Variants in EML1 observed in about 807,000 individuals in gnomAD.
EML1 encodes EMAP like 1.
Under a neutral mutation model 110.4 loss-of-function variants are expected in EML1, and 27 were observed. The observed-to-expected ratio is 0.24, with a 90% confidence interval of 0.18 to 0.34. EML1 has a LOEUF of 0.34. EML1 is among the 10% of genes least tolerant of loss of function. EML1 has a pLI of 1.00. For missense variants in EML1, 741 were observed against 1,030.9 expected, an observed-to-expected ratio of 0.72 and a Z score of 3.85; for synonymous variants, 344 against 385.8, an observed-to-expected ratio of 0.89 and a Z score of 1.27.
At chr14:99,839,977 C>T (rs1389101108) in intron 1 of EML1, among the ~76,000 whole-genome samples, 2 of 152,188 alleles carry the variant, frequency 1.3e-5, no homozygotes, top group East Asian at 3.9e-4. Flanking sequence ...AGGCCGAAAT[C>T]CAGGCCCGCA....
At position 99,939,284 on chromosome 14, in the gene EML1, T is replaced by G. The variant is rs1320061161; in HGVS notation, c.2279T>G (p.Phe760Cys). ...EKKLLSTGDDFGKVHLFSYPC... is the reference protein window; with the variant it reads ...EKKLLSTGDDCGKVHLFSYPC... ...AAACTCCTGTCAACAGGCGACGACT[T>G]TGGCAAAGTGCACCTCTTCTCATAC... is the stretch of plus-strand genomic sequence containing the variant. Residue 760 changes from phenylalanine to cysteine, a missense_variant, in exon 21 of 22, where the codon TTT (phenylalanine) becomes TGT (cysteine). Transcript: ENST00000262233. This position sits in a 1 kb window ranked among gnomAD's most constrained non-coding sequence, Gnocchi z 4.2. The G allele has an allele frequency of 6.2e-7, 1 of 1,614,216 alleles. No homozygotes were observed. The highest frequency in any genetic ancestry group is 1.1e-5 in the South Asian group (1 of 91,082).
Position 99,756,317 on chromosome 14 carries a change from G to A in EML1, c.28+18457G>A, listed in dbSNP as rs536474564. Among the ~76,000 whole-genome samples the A allele has an allele frequency of 2.2e-4, 33 of 152,320 alleles. No homozygotes were observed. In the East Asian group the frequency reaches 3.9e-3, roughly 18 times the overall value. On this transcript the variant is annotated intron_variant, in intron 1 of 10. Coordinates refer to the EML1 transcript ENST00000554479. ...GGCAGCATGACCCATACTGGTCATC[G>A]GGTGGCAGCCCTGGCTCTGCCCTGC...
Position 99,940,095 on chromosome 14 carries a change from C to T in EML1, c.2431C>T (p.Gln811Ter). ...GGGCGGGAAAGACACAAGCATCATG[C>T]AGTGGCGCGTCATTTAGTACCCACC... Reference protein sequence around the residue: ...STGGKDTSIMQWRVI With the variant: ...STGGKDTSIM Residue 811 changes from glutamine (Q) to a stop codon, truncating the protein, a stop_gained, in exon 22 of 22, where the codon CAG becomes TAG. Transcript: ENST00000262233. LOFTEE classifies it high-confidence loss of function. 1.3e-6 allele frequency: 2 copies of T among 1,595,488 alleles called. No homozygotes were observed. Among genetic ancestry groups the T allele is most frequent in the South Asian group, 1.1e-5 (1 of 87,942 alleles).
chr14:99,886,459 C>T (rs745750439), intron 4 of EML1, among the ~76,000 whole-genome samples: 12 of 152,300 alleles, frequency 7.9e-5, no homozygotes, highest in African/African-American at 1.4e-4. Flanking sequence ...TCAGCCTGCG[C>T]GACAGAGCCA....
intron 1 of EML1, among the ~76,000 whole-genome samples, chr14:99,787,053 T>A (rs1183002374): frequency 6.6e-6 from 1 of 152,104 alleles, no homozygotes; most frequent in Non-Finnish European, 1.5e-5. Flanking sequence ...AGGGGCAGAG[T>A]GACCATTTGT....
chr14:99,874,817 C>G lies in EML1; in HGVS notation c.384-3668C>G, dbSNP rs184980334. 28 of 851,116 alleles carry G rather than the reference C, an allele frequency of 3.3e-5. No homozygotes were observed. In the Middle Eastern group the frequency reaches 9.9e-4, roughly 30 times the overall value. 52.7% of individuals were successfully genotyped at this position (851,116 alleles called of 1,614,324 possible). A position where few individuals can be genotyped will look rare whatever the true frequency, so the allele number is the denominator to read the frequency against. On this transcript the variant is annotated intron_variant, in intron 3 of 21. Transcript: ENST00000262233. Reference sequence around the variant, plus strand: ...TATATTTGCGAACCAAAATGTCTTTCGATTTTGATGTGTGCGTCCTGCAAT... The same window carrying G: ...TATATTTGCGAACCAAAATGTCTTTGGATTTTGATGTGTGCGTCCTGCAAT...
intron 20 of EML1, among the ~76,000 whole-genome samples, chr14:99,938,443 G>A (rs1301596154): frequency 1.3e-5 from 2 of 152,220 alleles, no homozygotes. Flanking sequence ...GTTCAGTGCT[G>A]AGGTCCGGAG....
At chr14:99,825,517 A>G (rs2058337654) in intron 1 of EML1, among the ~76,000 whole-genome samples, 1 of 152,104 alleles carries the variant, frequency 6.6e-6, no homozygotes, top group African/African-American at 2.4e-5. Context: ...TGAGTGTCCT[A>G]ACTCGAGACT....
intron 13 of EML1, among the ~76,000 whole-genome samples, chr14:99,913,371 C>G (rs2059977888): frequency 6.6e-6 from 1 of 151,856 alleles, no homozygotes; most frequent in African/African-American, 2.4e-5. Context: ...GAAATGGAGT[C>G]TTGCTATATT....
At chr14:99,845,660 C>G (rs2058695569) in intron 1 of EML1, among the ~76,000 whole-genome samples, 1 of 152,146 alleles carries the variant, frequency 6.6e-6, no homozygotes, top group Admixed American at 6.5e-5. Flanking sequence ...CTTAGCGGCT[C>G]TCTTGGTTAA....
At chr14:99,778,472 C>T (rs1206421974) in intron 1 of EML1, among the ~76,000 whole-genome samples, 1 of 152,038 alleles carries the variant, frequency 6.6e-6, no homozygotes, top group East Asian at 1.9e-4. Flanking sequence ...TCTCCGGAGC[C>T]TCTGTTATCC....
intron 1 of EML1, among the ~76,000 whole-genome samples, chr14:99,776,182 T>G (rs576078059): frequency 3.0e-4 from 46 of 152,334 alleles, no homozygotes; most frequent in Admixed American, 1.2e-3. Context: ...CAATTATGTT[T>G]GTTATAAATG....
At chr14:99,874,642 A>G in intron 3 of EML1, among the ~76,000 whole-genome samples, 1 of 151,736 alleles carries the variant, frequency 6.6e-6, no homozygotes, top group East Asian at 1.9e-4. Context: ...TCTTTAATTC[A>G]TAAGAGCCCT....
chr14:99,849,937 G>A (rs371839374), intron 1 of EML1, among the ~76,000 whole-genome samples: 72 of 149,382 alleles, frequency 4.8e-4, no homozygotes, highest in African/African-American at 1.7e-3. Flanking sequence ...TCCAGCCTGG[G>A]CGACCCTGTC....
At chr14:99,863,350 G>T (rs2059035475) in intron 2 of EML1, among the ~76,000 whole-genome samples, 1 of 152,158 alleles carries the variant, frequency 6.6e-6, no homozygotes, top group Non-Finnish European at 1.5e-5. Flanking sequence ...CCATCATGGG[G>T]TTTCCCTGTC....
chr14:99,814,175 G>A (rs1010990217), intron 1 of EML1, among the ~76,000 whole-genome samples: 4 of 152,196 alleles, frequency 2.6e-5, no homozygotes, highest in African/African-American at 9.6e-5. Flanking sequence ...ACCTAGAGTT[G>A]TAAAGGACCT....
intron 3 of EML1, among the ~76,000 whole-genome samples, chr14:99,870,269 T>G (rs1315192210): frequency 6.6e-6 from 1 of 152,218 alleles, no homozygotes; most frequent in Non-Finnish European, 1.5e-5. Flanking sequence ...CTTAACTCTC[T>G]TCAATTTTAT....
chr14:99,849,925 G>A (rs56139003), intron 1 of EML1, among the ~76,000 whole-genome samples: 37,459 of 148,988 alleles, frequency 0.25, 5,084 homozygotes, highest in Non-Finnish European at 0.3. Flanking sequence ...GCGCCACTGC[G>A]CTCCAGCCTG....
rs2057543120 is a variant in EML1 at position 99,781,808 on chromosome 14, T to C, written c.-27+7795T>C. Among the ~76,000 whole-genome samples, 1 of 152,172 alleles carries C rather than the reference T, an allele frequency of 6.6e-6. No homozygotes were observed. The stretch of plus-strand genomic sequence containing the variant: ...CATCAGTTTCCAGACATACTGAGTA[T>C]GCATTTCTAGCCTCTTTCCCGCCTC... On this transcript the variant is annotated intron_variant, in intron 1 of 22. Transcript: ENST00000327921. The surrounding 1 kb of genome is among the most constrained non-coding windows in gnomAD (Gnocchi z 4.2).
Sources: allele counts gnomAD v4.1 joint callset (sites outside exome capture counted in the v4.1 genomes callset), GRCh38; gene constraint gnomAD v4.1.1; non-coding constraint Gnocchi (gnomAD v3.1); transcripts MANE v1.5; gene names NCBI Gene and HGNC (gene_info 2026-07-23, HGNC 2026-07-21).